The following SULF2 variants were observed in gnomAD, a reference collection of about 807,000 sequenced individuals.
SULF2 encodes the protein extracellular sulfatase Sulf-2.
A neutral mutation model predicts 107.7 loss-of-function variants in SULF2; 52 were observed. The observed-to-expected ratio is 0.48, with a 90% CI of 0.39 to 0.61. The LOEUF is 0.61. SULF2 is among the 20% of genes least tolerant of loss of function. The pLI is 0.00. For synonymous variants in SULF2, 460 were observed against 464.3 expected (o/e 0.99, Z 0.12); for missense variants, 993 against 1,177.3 (o/e 0.84, Z 2.29).
intron 2 of SULF2, among the ~76,000 whole-genome samples, chr20:47,739,627 G>A (rs996580576): frequency 2.0e-5 from 3 of 152,132 alleles, no homozygotes; most frequent in East Asian, 1.9e-4. Context: ...TCCCCGCTCC[G>A]TGTCTCTCCA....
intron 2 of SULF2, among the ~76,000 whole-genome samples, chr20:47,744,229 C>T (rs1411858246): frequency 1.3e-5 from 2 of 152,136 alleles, no homozygotes; most frequent in Non-Finnish European, 2.9e-5. Context: ...GTCTTTCAGG[C>T]TGGAGTGCAG....
intron 1 of SULF2, among the ~76,000 whole-genome samples, chr20:47,765,753 A>G (rs771687995): frequency 1.3e-4 from 20 of 152,238 alleles, no homozygotes; most frequent in Admixed American, 7.2e-4. Flanking sequence ...TCCAAGTGAC[A>G]GACAAAACAA....
At chr20:47,667,138 C>T (rs2087302213) in intron 11 of SULF2, among the ~76,000 whole-genome samples, 1 of 152,114 alleles carries the variant, frequency 6.6e-6, no homozygotes, top group South Asian at 2.1e-4. Context: ...GTTATCTGAA[C>T]TTCACCTCAA....
intron 2 of SULF2, among the ~76,000 whole-genome samples, chr20:47,748,745 C>T (rs2090101221): frequency 6.6e-6 from 1 of 152,168 alleles, no homozygotes; most frequent in Admixed American, 6.5e-5. Context: ...CCACCTTCCT[C>T]TCTGTGGTGC....
Position 47,709,352 on chromosome 20 carries a change from C to T in SULF2, c.416-6682G>A, listed in dbSNP as rs186914244. On this transcript the variant is annotated intron_variant, in intron 3 of 20. Coordinates refer to ENST00000688720, the MANE Select transcript of SULF2 (RefSeq NM_001387048.1). ...AGGCCATTGACAATGAGCTGGCTGG[C>T]GACTGCCCCTGGGCAGCAGGGCTGG... Among the ~76,000 whole-genome samples the T allele has an allele frequency of 2.2e-3, 334 of 152,294 alleles. 1 individual carries two copies. Among genetic ancestry groups the T allele is most frequent in the African/African-American group, 7.2e-3 (300 of 41,552 alleles).
chr20:47,672,726 C>G (rs955707300), intron 10 of SULF2, among the ~76,000 whole-genome samples: 1 of 152,120 alleles, frequency 6.6e-6, no homozygotes. Flanking sequence ...ACTTAAAACC[C>G]TTCAATGGCT....
chr20:47,673,266 G>A (rs1009971780), intron 10 of SULF2, among the ~76,000 whole-genome samples: 4 of 152,302 alleles, frequency 2.6e-5, no homozygotes, highest in Non-Finnish European at 5.9e-5. Flanking sequence ...TCCAGGCCAT[G>A]GGTCAGATCT....
At chr20:47,754,195 C>T (rs1219576388) in intron 2 of SULF2, among the ~76,000 whole-genome samples, 1 of 152,216 alleles carries the variant, frequency 6.6e-6, no homozygotes, top group Non-Finnish European at 1.5e-5. Context: ...CCAGTCCTCC[C>T]AACCGGACCC....
Position 47,736,622 on chromosome 20 carries a change from C to T in SULF2, c.415+81G>A, listed in dbSNP as rs144702021. 5.7e-4 allele frequency: 887 copies of T among 1,566,774 alleles called. 7 individuals are homozygous for T. In the East Asian group the frequency reaches 0.015, roughly 26 times the overall value. ...GGCTATCCAGAATCAACTTGGGTACCGCAGTGGTGTGCAGACCACACCTAG... is the reference window on the plus strand; with the variant it reads ...GGCTATCCAGAATCAACTTGGGTACTGCAGTGGTGTGCAGACCACACCTAG... On this transcript the variant is annotated intron_variant, in intron 3 of 20. Transcript: ENST00000688720.
chr20:47,671,719 T>C (rs1295857266), intron 11 of SULF2, among the ~76,000 whole-genome samples: 4 of 152,130 alleles, frequency 2.6e-5, no homozygotes, highest in South Asian at 2.1e-4. Flanking sequence ...GTATGTGTGT[T>C]TCTTCCTTTT....
intron 14 of SULF2, 26 bp downstream of exon 14, chr20:47,665,173 G>C: frequency 6.6e-7 from 1 of 1,506,130 alleles, no homozygotes; most frequent in Non-Finnish European, 9.2e-7. Context: ...TGGGGTCTTA[G>C]GGAGGTCCCT....
chr20:47,705,681 T>A (rs1279601694), intron 3 of SULF2, among the ~76,000 whole-genome samples: 1 of 152,082 alleles, frequency 6.6e-6, no homozygotes, highest in South Asian at 2.1e-4. Flanking sequence ...TGATATCTGG[T>A]GGGTGGAGGC....
rs142706537 is a variant in SULF2, at chr20:47,769,629, C to T, written c.-100-12166G>A. On this transcript the variant is annotated intron_variant, in intron 1 of 20. Coordinates refer to ENST00000688720, the MANE Select transcript of SULF2 (RefSeq NM_001387048.1). ...GTGCTAATTCTTCCAGATAGGCAGC[C>T]GAGATTTCCTGAGCACCTACTATGT... Among the ~76,000 whole-genome samples the T allele has an allele frequency of 1.1e-3, 166 of 152,262 alleles. 1 individual carries two copies. Among genetic ancestry groups the T allele is most frequent in the African/African-American group, 3.8e-3 (156 of 41,534 alleles).
In SULF2 at chr20:47,757,432, T is replaced by C. The variant is rs2090320969; in HGVS notation, c.-69A>G. The C allele has an allele frequency of 4.1e-5, 60 of 1,480,186 alleles. No homozygotes were observed. The South Asian group carries it at 7.6e-4, about 19-fold the overall frequency. 91.7% of individuals were successfully genotyped at this position (1,480,186 alleles called of 1,614,324 possible). On this transcript the variant is annotated 5_prime_UTR_variant, in exon 2 of 21. Transcript: ENST00000688720. ...TCTCAAGTTGCGTCTGTGGCTTTGTTTCTTTTCCCTCGTCCCTCTTCACTC... is the reference window on the plus strand; with the variant it reads ...TCTCAAGTTGCGTCTGTGGCTTTGTCTCTTTTCCCTCGTCCCTCTTCACTC...
intron 4 of SULF2, among the ~76,000 whole-genome samples, chr20:47,692,195 G>GA (rs2088219103): frequency 1.3e-5 from 2 of 152,112 alleles, no homozygotes; most frequent in South Asian, 4.1e-4. Flanking sequence ...TTATTTTCAA[G>GA]AAAAAAAGGT....
At chr20:47,758,304 G>A (rs2090342748) in intron 1 of SULF2, among the ~76,000 whole-genome samples, 1 of 151,758 alleles carries the variant, frequency 6.6e-6, no homozygotes. Flanking sequence ...AGAGAAGCTG[G>A]GATTACAGGC....
intron 2 of SULF2, among the ~76,000 whole-genome samples, chr20:47,746,010 C>T (rs888936891): frequency 6.6e-6 from 1 of 152,214 alleles, no homozygotes; most frequent in African/African-American, 2.4e-5. Context: ...TCTGGCTTTG[C>T]TTGAAAAATG....
At chr20:47,758,575 C>T (rs1334975972) in intron 1 of SULF2, among the ~76,000 whole-genome samples, 1 of 152,122 alleles carries the variant, frequency 6.6e-6, no homozygotes, top group African/African-American at 2.4e-5. Flanking sequence ...CTCAGTCACC[C>T]CCCTGGCCCC....
intron 10 of SULF2, among the ~76,000 whole-genome samples, chr20:47,672,917 C>T (rs1345687385): frequency 6.6e-6 from 1 of 152,182 alleles, no homozygotes; most frequent in Non-Finnish European, 1.5e-5. Flanking sequence ...GCCTTTTCTC[C>T]AGCCCTTCCT....
Sources: gnomAD v4.1 joint callset for allele counts (sites outside exome capture counted in the v4.1 genomes callset) on GRCh38, gnomAD v4.1.1 for gene constraint, MANE v1.5 for transcripts, NCBI Gene and HGNC (gene_info 2026-07-23, HGNC 2026-07-21) for gene names.